Variants in TNS3 observed in about 807,000 individuals in gnomAD.
TNS3 encodes the protein tensin-3.
In TNS3, 45 loss-of-function variants were observed where a neutral mutation model predicts 140.9. The ratio of observed to expected loss-of-function variants is 0.32; its 90% CI spans 0.25 to 0.41. The LOEUF is 0.41. Among genes scored for constraint, TNS3 ranks in the 10% least tolerant of loss-of-function variants. The pLI is 1.00. For missense variants in TNS3, 1,716 were observed against 1,906.7 expected (o/e 0.90, Z 1.86); for synonymous variants, 815 against 788.4 (o/e 1.03, Z -0.56).
intron 4 of TNS3, among the ~76,000 whole-genome samples, chr7:47,454,368 C>G (rs954549991): frequency 6.6e-6 from 1 of 152,174 alleles, no homozygotes; most frequent in Non-Finnish European, 1.5e-5. Context: ...TCATCAGACC[C>G]GGAGACACTA....
chr7:47,327,432 G>A (rs998352286), intron 20 of TNS3, among the ~76,000 whole-genome samples: 15 of 152,198 alleles, frequency 9.9e-5, no homozygotes, highest in Non-Finnish European at 4.4e-5. Flanking sequence ...GCTCAGAAGT[G>A]CAGCCTTCTG....
At chr7:47,342,160 C>T (rs1281514130) in intron 20 of TNS3, among the ~76,000 whole-genome samples, 1 of 152,130 alleles carries the variant, frequency 6.6e-6, no homozygotes, top group East Asian at 1.9e-4. Context: ...GGTCCCTTGG[C>T]CCTGAAGTCC....
chr7:47,475,534 G>A (rs888846950), intron 4 of TNS3, among the ~76,000 whole-genome samples: 2 of 1,926 alleles, frequency 1.0e-3, no homozygotes, highest in Admixed American at 0.036. Context: ...GCACTTCCCC[G>A]GGGGGGGGGC....
chr7:47,386,892 T>C (rs1321876391), intron 16 of TNS3, among the ~76,000 whole-genome samples: 1 of 152,236 alleles, frequency 6.6e-6, no homozygotes, highest in Non-Finnish European at 1.5e-5. Context: ...CCCTGCAATC[T>C]GTGCTATGTT....
At chr7:47,496,597 G>A (rs1292060953) in intron 3 of TNS3, among the ~76,000 whole-genome samples, 2 of 152,224 alleles carry the variant, frequency 1.3e-5, no homozygotes, top group South Asian at 2.1e-4. Context: ...AAGAGAAGCG[G>A]GAGTAAAAGC....
chr7:47,374,345 G>C (rs898998771), intron 16 of TNS3, among the ~76,000 whole-genome samples: 1 of 152,106 alleles, frequency 6.6e-6, no homozygotes, highest in African/African-American at 2.4e-5. Context: ...TTATCCTCCT[G>C]CCACCTGTGA....
In TNS3 at chr7:47,302,241, T is replaced by C; in HGVS notation, c.3489A>G (p.Lys1163=). Residue 1163 remains lysine (K), a synonymous_variant, in exon 23 of 31, where the codon AAA becomes AAG. Coordinates refer to ENST00000311160, the MANE Select transcript of TNS3 (RefSeq NM_022748.12). ...DSPGDKLVIV[K]FVQDTSKFWY... ...AGAACTTGGAAGTGTCTTGAACAAA[T>C]TTCACGATCACAAGTTTATCACCTG... 1 of 1,614,230 alleles carries C rather than the reference T, an allele frequency of 6.2e-7. No individual in the cohort carries two copies. The highest frequency in any genetic ancestry group is 1.3e-5 in the African/African-American group (1 of 75,064).
intron 15 of TNS3, among the ~76,000 whole-genome samples, chr7:47,397,717 C>T (rs546151653): frequency 1.7e-4 from 26 of 152,086 alleles, no homozygotes; most frequent in Non-Finnish European, 3.4e-4. Context: ...GCACTAAATG[C>T]CTACATCAAA....
At chr7:47,315,764 T>C (rs777989051) in intron 20 of TNS3, among the ~76,000 whole-genome samples, 21 of 152,138 alleles carry the variant, frequency 1.4e-4, no homozygotes, top group Non-Finnish European at 2.5e-4. Flanking sequence ...AACCATAACT[T>C]ACTTAGCAAA....
At chr7:47,582,531 TGTA>T (rs1784560824), upstream of TNS3, 1 of 455,810 alleles carries the variant, frequency 2.2e-6, no homozygotes, top group African/African-American at 2.0e-5. Flanking sequence ...CCCTCCCTCC[TGTA>T]GCTCATAGCC....
intron 16 of TNS3, among the ~76,000 whole-genome samples, chr7:47,395,252 T>C (rs1792761643): frequency 6.6e-6 from 1 of 152,166 alleles, no homozygotes; most frequent in Non-Finnish European, 1.5e-5. Flanking sequence ...GCAAGGGACC[T>C]CTCTGGTAAA....
At chr7:47,497,294 T>C (rs933511126) in intron 3 of TNS3, among the ~76,000 whole-genome samples, 2 of 152,128 alleles carry the variant, frequency 1.3e-5, no homozygotes, top group African/African-American at 4.8e-5. Context: ...ACTGTAGACA[T>C]CTACAGTGAT....
At position 47,360,176 on chromosome 7, in the gene TNS3, C is replaced by A. The variant is rs112399909; in HGVS notation, c.2281+8189G>T. On this transcript the variant is annotated intron_variant, in intron 17 of 30. Coordinates refer to ENST00000311160, the MANE Select transcript of TNS3 (RefSeq NM_022748.12). ...TCTAAAACGTTTTCCGAATTGGACA[C>A]CCACAGAGCTCCCTGCAGTGCAGTG... is the stretch of plus-strand genomic sequence containing the variant. Among the ~76,000 whole-genome samples the A allele has an allele frequency of 2.0e-3, 306 of 152,308 alleles. 3 individuals carry two copies. Among genetic ancestry groups the A allele is most frequent in the African/African-American group, 6.6e-3 (273 of 41,566 alleles).
chr7:47,344,760 C>T lies in TNS3; in HGVS notation c.2645G>A (p.Gly882Glu). 6.2e-7 allele frequency: 1 copy of T among 1,611,486 alleles called. No homozygotes were observed. Among genetic ancestry groups the T allele is most frequent in the South Asian group, 1.1e-5 (1 of 91,010 alleles). ...CCCGCGGGTAGATTTCTTACCACGT[C>T]CTCCTTTGTGCTGACTGGCTGGGCT... Reference protein sequence around the residue: ...LSSPASQHKGGREPRSCPETL... With the variant: ...LSSPASQHKGEREPRSCPETL... Residue 882 changes from glycine to glutamate, a missense_variant, in exon 20 of 31, where the codon GGA (glycine) becomes GAA (glutamate). Coordinates refer to ENST00000311160, the MANE Select transcript of TNS3 (RefSeq NM_022748.12).
intron 1 of TNS3, among the ~76,000 whole-genome samples, chr7:47,575,196 A>G (rs1367127409): frequency 3.9e-5 from 6 of 152,226 alleles, no homozygotes; most frequent in Non-Finnish European, 8.8e-5. Context: ...ATATCATGGT[A>G]CATCCACATA....
chr7:47,560,516 C>T (rs1460615165), intron 1 of TNS3, among the ~76,000 whole-genome samples: 2 of 152,192 alleles, frequency 1.3e-5, no homozygotes, highest in African/African-American at 4.8e-5. Context: ...CTAAACCTAA[C>T]TTCTCACCCG....
intron 20 of TNS3, among the ~76,000 whole-genome samples, chr7:47,343,995 G>C (rs532454192): frequency 1.3e-5 from 2 of 152,304 alleles, no homozygotes; most frequent in South Asian, 4.1e-4. Context: ...GAAAGTCTCA[G>C]TCTCAGGTAA....
intron 27 of TNS3, among the ~76,000 whole-genome samples, chr7:47,287,035 C>A (rs1785456534): frequency 1.3e-5 from 2 of 151,758 alleles, no homozygotes; most frequent in Non-Finnish European, 2.9e-5. Context: ...GGCAACCGAT[C>A]TATGAGTAGT....
chr7:47,508,685 A>G (rs1257253524), intron 2 of TNS3, among the ~76,000 whole-genome samples: 1 of 152,174 alleles, frequency 6.6e-6, no homozygotes, highest in Non-Finnish European at 1.5e-5. Flanking sequence ...CCCCTCCCAC[A>G]GTGAATCAGC....
Sources: allele counts gnomAD v4.1 joint callset (sites outside exome capture counted in the v4.1 genomes callset), GRCh38; gene constraint gnomAD v4.1.1; transcripts MANE v1.5; gene names NCBI Gene and HGNC (gene_info 2026-07-23, HGNC 2026-07-21).